IGBP1C: variants seen among roughly 807,000 people sequenced by gnomAD.
IGBP1C encodes IGBP1 family member C.
chr17:58,671,314 C>A, the IGBP1C span, among the ~76,000 whole-genome samples: 1 of 152,140 alleles, frequency 6.6e-6, no homozygotes, highest in African/African-American at 2.4e-5. Context: ...ACTTTTTGTG[C>A]CATCCCCTAA....
chr17:58,673,306 A>AT, the IGBP1C span, among the ~76,000 whole-genome samples: 8 of 151,608 alleles, frequency 5.3e-5, no homozygotes, highest in Admixed American at 2.0e-4. Flanking sequence ...TGGCGAAACC[A>AT]TAAAAAAAAA....
chr17:58,664,529 G>A, the IGBP1C span, among the ~76,000 whole-genome samples: 7 of 152,226 alleles, frequency 4.6e-5, no homozygotes, highest in South Asian at 6.2e-4. Context: ...GGTCCAGTCC[G>A]CTGGCCTAGC....
the IGBP1C span, among the ~76,000 whole-genome samples, chr17:58,672,216 G>A: frequency 1.3e-5 from 2 of 152,150 alleles, no homozygotes; most frequent in Non-Finnish European, 2.9e-5. Flanking sequence ...ATCACCTCCT[G>A]CTGTGCGGCC....
chr17:58,660,946 C>G, the IGBP1C span: 3 of 1,072,902 alleles, frequency 2.8e-6, no homozygotes, highest in African/African-American at 4.6e-5. Context: ...CTCCCAGGAT[C>G]TTTATTTCCT....
chr17:58,682,235 C>A, the IGBP1C span, among the ~76,000 whole-genome samples: 1 of 151,962 alleles, frequency 6.6e-6, no homozygotes, highest in East Asian at 1.9e-4. Context: ...AGGCATGGAA[C>A]CACCATGCCC....
the IGBP1C span, chr17:58,679,529 G>C: frequency 6.6e-6 from 1 of 152,172 alleles, no homozygotes; most frequent in Non-Finnish European, 1.5e-5. Flanking sequence ...GCCAGATCAG[G>C]GGAGAGAACC....
At chr17:58,684,826 AT>A in the IGBP1C span, among the ~76,000 whole-genome samples, 1 of 151,748 alleles carries the variant, frequency 6.6e-6, no homozygotes, top group East Asian at 2.0e-4. Context: ...AAATACAAAA[AT>A]TAGCTGGGCG....
chr17:58,691,359 A>G, the IGBP1C span, among the ~76,000 whole-genome samples: 2 of 151,902 alleles, frequency 1.3e-5, no homozygotes, highest in East Asian at 3.9e-4. Flanking sequence ...TGGGAAGAAA[A>G]GTCAAGACTA....
chr17:58,677,469 T>G, the IGBP1C span: 1 of 152,158 alleles, frequency 6.6e-6, no homozygotes, highest in Non-Finnish European at 1.5e-5. Flanking sequence ...AGCTTCTCAC[T>G]TCCATGGAAA....
chr17:58,688,640 G>A, the IGBP1C span, among the ~76,000 whole-genome samples: 1 of 152,136 alleles, frequency 6.6e-6, no homozygotes, highest in Admixed American at 6.6e-5. Flanking sequence ...TTGCAGGTGA[G>A]GAGACTGAGT....
At chr17:58,670,027 G>A in the IGBP1C span, among the ~76,000 whole-genome samples, 1 of 152,164 alleles carries the variant, frequency 6.6e-6, no homozygotes, top group Non-Finnish European at 1.5e-5. Flanking sequence ...TACAGCCGCA[G>A]CCTCTTTCCA....
At chr17:58,664,347 T>C in the IGBP1C span, among the ~76,000 whole-genome samples, 17 of 152,328 alleles carry the variant, frequency 1.1e-4, no homozygotes, top group East Asian at 3.3e-3. Context: ...ACAGACCCTT[T>C]TTCCTATGCT....
At chr17:58,662,732 A>T in the IGBP1C span, among the ~76,000 whole-genome samples, 2 of 152,202 alleles carry the variant, frequency 1.3e-5, no homozygotes, top group Non-Finnish European at 2.9e-5. Flanking sequence ...GGAAGGGTTG[A>T]TGCTCAGAAA....
the IGBP1C span, among the ~76,000 whole-genome samples, chr17:58,681,626 G>A: frequency 1.3e-5 from 2 of 152,080 alleles, no homozygotes; most frequent in South Asian, 4.1e-4. Context: ...GAGGCAGGTG[G>A]ATCATTTGAG....
At chr17:58,688,007 G>A in the IGBP1C span, among the ~76,000 whole-genome samples, 1 of 152,186 alleles carries the variant, frequency 6.6e-6, no homozygotes, top group Non-Finnish European at 1.5e-5. Flanking sequence ...CTAGTCTTCA[G>A]AGTGCTAATC....
chr17:58,683,457 GATT>G, the IGBP1C span, among the ~76,000 whole-genome samples: 2 of 150,444 alleles, frequency 1.3e-5, no homozygotes, highest in African/African-American at 4.9e-5. Context: ...GAATCTAGTA[GATT>G]ATTTAAAAAG....
the IGBP1C span, among the ~76,000 whole-genome samples, chr17:58,678,633 T>C: frequency 1.3e-5 from 2 of 151,748 alleles, no homozygotes; most frequent in Non-Finnish European, 2.9e-5. Context: ...ATGAGAACAC[T>C]TGAACACGGG....
chr17:58,690,376 G>A, the IGBP1C span, among the ~76,000 whole-genome samples: 1 of 152,156 alleles, frequency 6.6e-6, no homozygotes, highest in Non-Finnish European at 1.5e-5. Flanking sequence ...CTGTTGCCCA[G>A]GCTGGTCTCA....
the IGBP1C span, among the ~76,000 whole-genome samples, chr17:58,685,023 A>C: frequency 6.6e-6 from 1 of 152,234 alleles, no homozygotes; most frequent in Non-Finnish European, 1.5e-5. Context: ...TAAAATTAAA[A>C]ATTAAAAAAG....
Sources: allele counts gnomAD v4.1 joint callset (sites outside exome capture counted in the v4.1 genomes callset), GRCh38; gene constraint gnomAD v4.1.1; transcripts MANE v1.5; gene names NCBI Gene and HGNC (gene_info 2026-07-23, HGNC 2026-07-21).